Variants in ARID1B observed in about 807,000 individuals in gnomAD.
The protein encoded by ARID1B is AT-rich interaction domain 1B.
ARID1B carries 30 observed loss-of-function variants against 212.3 expected under a neutral mutation model. The observed-to-expected ratio is 0.14, with a 90% CI of 0.11 to 0.19. The LOEUF is 0.19. Ranked by LOEUF, ARID1B falls within the 10% of genes least tolerant of loss-of-function variation. The probability of loss-of-function intolerance (pLI) is 1.00; values close to 1 mark genes in which losing one functional copy is unlikely to be tolerated. For synonymous variants in ARID1B, 1,402 were observed against 1,301.7 expected, an observed-to-expected ratio of 1.08 and a Z score of -1.66; for missense variants, 2,891 against 3,204.0, an observed-to-expected ratio of 0.90 and a Z score of 2.36.
intron 1 of ARID1B, among the ~76,000 whole-genome samples, chr6:156,786,709 A>G (rs1779656249): frequency 6.6e-6 from 1 of 152,220 alleles, no homozygotes; most frequent in African/African-American, 2.4e-5. Context: ...TACTCCAGAC[A>G]GTCAATTGGC....
At chr6:156,834,670 G>A (rs1026497911) in intron 2 of ARID1B, among the ~76,000 whole-genome samples, 2 of 152,172 alleles carry the variant, frequency 1.3e-5, no homozygotes, top group Non-Finnish European at 2.9e-5. Flanking sequence ...ATACATTCGT[G>A]TTCTGTACTG....
intron 4 of ARID1B, among the ~76,000 whole-genome samples, chr6:157,068,314 C>A (rs1222635743): frequency 1.3e-5 from 2 of 152,194 alleles, no homozygotes; most frequent in African/African-American, 4.8e-5. Context: ...CAGGTAGGCA[C>A]ATTATGAAGA....
chr6:156,938,741 G>A (rs1448636971), intron 4 of ARID1B: 1 of 152,132 alleles, frequency 6.6e-6, no homozygotes, highest in African/African-American at 2.4e-5. Context: ...TAACAACTTT[G>A]CATTATAAGA....
At chr6:156,920,702 A>G (rs1790710025) in intron 3 of ARID1B, among the ~76,000 whole-genome samples, 1 of 152,138 alleles carries the variant, frequency 6.6e-6, no homozygotes, top group Non-Finnish European at 1.5e-5. Flanking sequence ...GATTTTCCCC[A>G]AAGTGCTAGG....
At chr6:157,009,945 C>T (rs1194183985) in intron 4 of ARID1B, among the ~76,000 whole-genome samples, 3 of 152,174 alleles carry the variant, frequency 2.0e-5, no homozygotes, top group Non-Finnish European at 4.4e-5. Flanking sequence ...AACCTGTGTT[C>T]CAGGACTCTA....
intron 4 of ARID1B, among the ~76,000 whole-genome samples, chr6:157,039,519 A>G (rs921364017): frequency 4.0e-5 from 6 of 151,460 alleles, no homozygotes; most frequent in Admixed American, 3.9e-4. Context: ...TTTAGTAGAG[A>G]CGGGGTTTCA....
chr6:157,010,467 C>T (rs1181920184), intron 4 of ARID1B, among the ~76,000 whole-genome samples: 1 of 151,804 alleles, frequency 6.6e-6, no homozygotes. Flanking sequence ...GGATTACAGG[C>T]AAGCACTGCC....
chr6:156,917,769 T>A (rs1417224594), intron 3 of ARID1B, among the ~76,000 whole-genome samples: 1 of 152,204 alleles, frequency 6.6e-6, no homozygotes, highest in East Asian at 1.9e-4. Context: ...CAATATCATT[T>A]AAAACAGAAA....
At chr6:156,921,734 T>TA (rs1183873345) in intron 3 of ARID1B, among the ~76,000 whole-genome samples, 4 of 152,102 alleles carry the variant, frequency 2.6e-5, no homozygotes, top group African/African-American at 7.2e-5. Context: ...TACATATTTG[T>TA]AAAAAAAATT....
intron 2 of ARID1B, among the ~76,000 whole-genome samples, chr6:156,896,071 T>G (rs971677032): frequency 5.3e-5 from 8 of 152,266 alleles, no homozygotes; most frequent in African/African-American, 1.9e-4. Flanking sequence ...TACTACTGTG[T>G]AGATTTAATT....
At chr6:157,086,176 A>G (rs185541807) in intron 5 of ARID1B, among the ~76,000 whole-genome samples, 1 of 152,366 alleles carries the variant, frequency 6.6e-6, no homozygotes, top group Admixed American at 6.5e-5. Context: ...AATATGGTCA[A>G]CCCACTTGTA....
intron 4 of ARID1B, among the ~76,000 whole-genome samples, chr6:157,025,138 A>G (rs1018633071): frequency 3.3e-5 from 5 of 152,244 alleles, no homozygotes; most frequent in African/African-American, 7.2e-5. Context: ...GACCTCCTCC[A>G]TAAGAAAAAT....
chr6:157,075,037 T>G (rs1315651171), intron 4 of ARID1B, among the ~76,000 whole-genome samples: 1 of 152,210 alleles, frequency 6.6e-6, no homozygotes, highest in East Asian at 1.9e-4. Flanking sequence ...TCCTTTTGAG[T>G]AGTTTTTGAA....
At chr6:156,829,603 GCTT>G in intron 2 of ARID1B, 182 bp downstream of exon 2, 1 of 679,886 alleles carries the variant, frequency 1.5e-6, no homozygotes, top group South Asian at 2.4e-5. Flanking sequence ...GGAAAGGTGA[GCTT>G]CTTAAAGTGG....
chr6:156,934,925 T>TATAC, intron 3 of ARID1B, among the ~76,000 whole-genome samples: 1 of 47,982 alleles, frequency 2.1e-5, no homozygotes, highest in African/African-American at 6.8e-5. Flanking sequence ...TATATATATA[T>TATAC]ATATATATAT....
chr6:156,878,784 C>G (rs982079712), intron 2 of ARID1B, among the ~76,000 whole-genome samples: 2 of 152,200 alleles, frequency 1.3e-5, no homozygotes, highest in African/African-American at 4.8e-5. Context: ...CAGGTGGTCG[C>G]TACATTGCTG....
chr6:157,020,925 G>T (rs946118099), intron 4 of ARID1B, among the ~76,000 whole-genome samples: 5 of 152,294 alleles, frequency 3.3e-5, no homozygotes, highest in African/African-American at 1.2e-4. Flanking sequence ...AATATTAATG[G>T]CCGAAGGAAC....
intron 2 of ARID1B, 135 bp from the exon 3 acceptor site, chr6:156,901,237 TAAGG>T: frequency 1.0e-6 from 1 of 990,350 alleles, no homozygotes; most frequent in Non-Finnish European, 1.5e-6. Context: ...TCGATTTGTT[TAAGG>T]AAGAGAGGAT....
intron 2 of ARID1B, among the ~76,000 whole-genome samples, chr6:156,872,764 A>G (rs575123939): frequency 2.6e-5 from 4 of 151,368 alleles, no homozygotes; most frequent in South Asian, 4.2e-4. Flanking sequence ...TCTCTTCAGC[A>G]CCCTTTTCCA....
Sources: allele counts gnomAD v4.1 joint callset (sites outside exome capture counted in the v4.1 genomes callset), GRCh38; gene constraint gnomAD v4.1.1; transcripts MANE v1.5; gene names NCBI Gene and HGNC (gene_info 2026-07-23, HGNC 2026-07-21).